Variants in ZNF521 observed in about 807,000 individuals in gnomAD.
The protein encoded by ZNF521 is LYST-interacting protein 3.
Under a neutral mutation model 105.5 loss-of-function variants are expected in ZNF521, and 14 were observed. That is an observed-to-expected ratio of 0.13 (90% CI 0.09 to 0.21). ZNF521 has a LOEUF of 0.21. Among genes scored for constraint, ZNF521 ranks in the 10% least tolerant of loss-of-function variants. The pLI, the probability that ZNF521 is intolerant of heterozygous loss-of-function variation, is 1.00. For synonymous variants in ZNF521, 635 were observed against 606.0 expected (o/e 1.05, Z -0.70); for missense variants, 1,233 against 1,629.7 (o/e 0.76, Z 4.19).
chr18:25,116,975 A>G lies in ZNF521; in HGVS notation c.3659-24894T>C, dbSNP rs1156541181. Among the ~76,000 whole-genome samples the G allele has an allele frequency of 1.9e-4, 7 of 37,458 alleles. No individual in the cohort carries two copies. The East Asian group carries it at 2.9e-3, about 15-fold the overall frequency. 24.6% of individuals were successfully genotyped at this position (37,458 alleles called of 152,430 possible). Reference sequence around the variant, plus strand: ...TATATGTATATATGTATATATATGTATATATATATACACACACACATATAT... The same window carrying G: ...TATATGTATATATGTATATATATGTGTATATATATACACACACACATATAT... On this transcript the variant is annotated intron_variant, in intron 5 of 7. Transcript: ENST00000361524.
In ZNF521 at chr18:25,087,901, T is replaced by C. The variant is rs533517268; in HGVS notation, c.3906+1564A>G. On this transcript the variant is annotated intron_variant, in intron 7 of 7. Transcript: ENST00000361524. ...TATTTTGTATTTCATCTCCTTAACT[T>C]ACTATTTGTTCACTTTTAGAATGAT... Among the ~76,000 whole-genome samples the C allele has an allele frequency of 6.6e-5, 10 of 152,304 alleles. No homozygotes were observed. In the East Asian group the frequency reaches 1.7e-3, roughly 26 times the overall value.
chr18:25,329,739 G>C (rs1913445572), intron 2 of ZNF521, among the ~76,000 whole-genome samples: 1 of 152,156 alleles, frequency 6.6e-6, no homozygotes, highest in Admixed American at 6.5e-5. Context: ...ATCACTGATG[G>C]ATTTTAAGTA....
At chr18:25,182,792 A>G (rs2144596052) in intron 5 of ZNF521, among the ~76,000 whole-genome samples, 1 of 152,338 alleles carries the variant, frequency 6.6e-6, no homozygotes, top group East Asian at 1.9e-4. Context: ...AGTCTAGCAA[A>G]CAGGCTTCTA....
intron 5 of ZNF521, among the ~76,000 whole-genome samples, chr18:25,187,653 G>A (rs1030518342): frequency 1.3e-5 from 2 of 152,122 alleles, no homozygotes; most frequent in Non-Finnish European, 2.9e-5. Flanking sequence ...TTGAGAGTGT[G>A]ATGTACAGTA....
In ZNF521 at chr18:25,120,243, G is replaced by A. The variant is rs557417750; in HGVS notation, c.3659-28162C>T. ...AACTCTTCAGAAATTCCTCTTATGA[G>A]GTCAGCATAACCTTAATATCAACCC... On this transcript the variant is annotated intron_variant, in intron 5 of 7. Coordinates refer to ENST00000361524, the MANE Select transcript of ZNF521 (RefSeq NM_015461.3). Among the ~76,000 whole-genome samples, 66 of 152,224 alleles carry A rather than the reference G, an allele frequency of 4.3e-4. 1 individual carries two copies. The highest frequency in any genetic ancestry group is 6.8e-4 in the Non-Finnish European group (46 of 68,010).
chr18:25,168,091 T>G (rs188909780), intron 5 of ZNF521, among the ~76,000 whole-genome samples: 3 of 152,272 alleles, frequency 2.0e-5, no homozygotes, highest in Admixed American at 1.3e-4. Context: ...TCTCCAGGCT[T>G]CTCATGTTAA....
chr18:25,351,004 T>C (rs1914726099), intron 1 of ZNF521, 57 bp from the exon 2 acceptor site: 16 of 1,414,426 alleles, frequency 1.1e-5, no homozygotes, highest in Non-Finnish European at 1.5e-5. Context: ...CTATACTTCC[T>C]CGTGGCCGCG....
At chr18:25,306,010 T>C (rs1017241424) in intron 3 of ZNF521, among the ~76,000 whole-genome samples, 8 of 152,250 alleles carry the variant, frequency 5.3e-5, no homozygotes, top group African/African-American at 1.9e-4. Context: ...TTAAGTAATC[T>C]GTCTAAGGAC....
At chr18:25,178,017 C>A (rs2035564132) in intron 5 of ZNF521, among the ~76,000 whole-genome samples, 1 of 152,052 alleles carries the variant, frequency 6.6e-6, no homozygotes, top group Admixed American at 6.6e-5. Context: ...TTCATTACTC[C>A]TTCTCTAATA....
intron 3 of ZNF521, among the ~76,000 whole-genome samples, chr18:25,235,772 A>C (rs1194603489): frequency 6.6e-6 from 1 of 152,228 alleles, no homozygotes; most frequent in Non-Finnish European, 1.5e-5. Context: ...TGTATACTTC[A>C]CTGCAGACAA....
chr18:25,210,843 T>C (rs2036166838), intron 4 of ZNF521, among the ~76,000 whole-genome samples: 1 of 152,208 alleles, frequency 6.6e-6, no homozygotes, highest in Admixed American at 6.5e-5. Context: ...CCAGGCATAC[T>C]GTCTCCCTGT....
At chr18:25,070,932 G>A (rs2033204671) in intron 7 of ZNF521, among the ~76,000 whole-genome samples, 1 of 152,122 alleles carries the variant, frequency 6.6e-6, no homozygotes, top group Admixed American at 6.5e-5. Context: ...AGAAATGGTG[G>A]TCTATGAGGT....
intron 5 of ZNF521, among the ~76,000 whole-genome samples, chr18:25,102,878 T>C (rs945583692): frequency 7.2e-5 from 11 of 152,182 alleles, no homozygotes; most frequent in Non-Finnish European, 1.2e-4. Flanking sequence ...AGATCTCTTA[T>C]TGATGTGCAA....
Position 25,239,561 on chromosome 18 carries a change from T to C in ZNF521, c.221-11864A>G, listed in dbSNP as rs1351274228. 2.0e-5 allele frequency among the ~76,000 whole-genome samples: 3 copies of C among 152,196 alleles called. 1 individual carries two copies. On this transcript the variant is annotated intron_variant, in intron 3 of 7. Coordinates refer to ENST00000361524, the MANE Select transcript of ZNF521 (RefSeq NM_015461.3). ...GCAAATGAATATCTGGAGTAAGAAG[T>C]GAGAAAAGAGGAAGGGAGCTTCCTA...
chr18:25,091,963 T>C lies in ZNF521; in HGVS notation c.3777A>G (p.Pro1259=), dbSNP rs200124491. The C allele has an allele frequency of 3.4e-5, 55 of 1,613,864 alleles. No homozygotes were observed. The Admixed American group carries it at 9.2e-4, about 27-fold the overall frequency. ...TAATCTTCCCACCTGTAAAGCAGAC[T>C]GGACACTTGAAGGTGCCTCCCATCC... The part of the protein sequence containing the change: ...FEGMGGTFKC[P]VCFTVFVQAN... Residue 1259 remains proline (P), a synonymous_variant, in exon 6 of 8, where the codon CCA becomes CCG. Transcript: ENST00000361524.
intron 7 of ZNF521, among the ~76,000 whole-genome samples, chr18:25,086,514 GGATTTCAGAAACTAGACCCACATAGA>G (rs2033626489): frequency 6.6e-6 from 1 of 151,994 alleles, no homozygotes; most frequent in South Asian, 2.1e-4. Context: ...ACATTATTGA[GGATTTCAGAAACTAGACCCACATAGA>G]GATTCCAATA....
At chr18:25,213,858 T>C (rs1171061592) in intron 4 of ZNF521, among the ~76,000 whole-genome samples, 2 of 152,152 alleles carry the variant, frequency 1.3e-5, no homozygotes, top group African/African-American at 2.4e-5. Flanking sequence ...TAACATATTA[T>C]TCTAAGATGG....
chr18:25,288,649 A>G (rs1910842779), intron 3 of ZNF521, among the ~76,000 whole-genome samples: 2 of 152,110 alleles, frequency 1.3e-5, no homozygotes, highest in African/African-American at 4.8e-5. Context: ...AGAGAATTAA[A>G]TACCCCCAAG....
chr18:25,116,645 G>A (rs578098999), intron 5 of ZNF521, among the ~76,000 whole-genome samples: 2 of 152,056 alleles, frequency 1.3e-5, no homozygotes, highest in African/African-American at 4.8e-5. Flanking sequence ...GCATTAGCAT[G>A]TGAATAAAAG....
Sources: allele counts gnomAD v4.1 joint callset (sites outside exome capture counted in the v4.1 genomes callset), GRCh38; gene constraint gnomAD v4.1.1; transcripts MANE v1.5; gene names NCBI Gene and HGNC (gene_info 2026-07-23, HGNC 2026-07-21).